MEGF11: variants seen among roughly 807,000 people sequenced by gnomAD.
MEGF11 encodes multiple EGF like domains 11, also known as multiple epidermal growth factor-like domains protein 11.
MEGF11 carries 126 observed loss-of-function variants against 146.6 expected under a neutral mutation model. That is an observed-to-expected ratio of 0.86 (90% CI 0.74 to 1.00). The LOEUF is 1.00. Ranked by LOEUF, MEGF11 falls within the 50% of genes least tolerant of loss-of-function variation. MEGF11 has a pLI of 0.00. For missense variants in MEGF11, 1,509 were observed against 1,521.2 expected, an observed-to-expected ratio of 0.99 and a Z score of 0.13; for synonymous variants, 532 against 583.4, an observed-to-expected ratio of 0.91 and a Z score of 1.27.
rs531059546 is a variant in MEGF11, at chr15:66,210,699, G to A, written c.-9+42906C>T. ...ACTTTCAAGATCATCTGGGGAAACCGAGGCCCAGGAAGAGGGGCTACCCTC... is the reference window on the plus strand; with the variant it reads ...ACTTTCAAGATCATCTGGGGAAACCAAGGCCCAGGAAGAGGGGCTACCCTC... On this transcript the variant is annotated intron_variant, in intron 1 of 25. Coordinates refer to ENST00000395614, the MANE Select transcript of MEGF11 (RefSeq NM_001385028.1). Among the ~76,000 whole-genome samples, 10 of 152,318 alleles carry A rather than the reference G, an allele frequency of 6.6e-5. 2 individuals are homozygous for A. Among genetic ancestry groups the A allele is most frequent in the Admixed American group, 6.5e-5 (1 of 15,300 alleles).
intron 7 of MEGF11, among the ~76,000 whole-genome samples, chr15:65,979,830 C>G (rs1037290469): frequency 3.9e-5 from 6 of 152,170 alleles, no homozygotes; most frequent in Non-Finnish European, 8.8e-5. Flanking sequence ...GTTGTTATAT[C>G]AGTTTTGTAC....
chr15:66,042,406 G>A (rs538432173), intron 5 of MEGF11, among the ~76,000 whole-genome samples: 10 of 152,158 alleles, frequency 6.6e-5, no homozygotes, highest in Non-Finnish European at 1.0e-4. Flanking sequence ...CACCACACCC[G>A]GCCAAGAATG....
intron 5 of MEGF11, among the ~76,000 whole-genome samples, chr15:66,034,439 A>G (rs1341459189): frequency 1.3e-5 from 2 of 148,632 alleles, no homozygotes; most frequent in Non-Finnish European, 3.0e-5. Flanking sequence ...TTTCTTTTTG[A>G]GACAGGATCT....
chr15:66,133,782 TA>T (rs769724585), intron 1 of MEGF11, among the ~76,000 whole-genome samples: 1 of 150,976 alleles, frequency 6.6e-6, no homozygotes, highest in African/African-American at 2.4e-5. Context: ...TTCCTGTACT[TA>T]AAAAAAAAGA....
At chr15:66,188,076 G>A (rs568865060) in intron 1 of MEGF11, among the ~76,000 whole-genome samples, 2 of 152,172 alleles carry the variant, frequency 1.3e-5, no homozygotes, top group Non-Finnish European at 1.5e-5. Context: ...TGCACTGTAG[G>A]ACATCGAGCA....
chr15:65,916,079 G>A (rs1596832119), intron 18 of MEGF11, 69 bp downstream of exon 18: 1 of 1,482,820 alleles, frequency 6.7e-7, no homozygotes, highest in African/African-American at 1.4e-5. Context: ...ACCTTGAAGT[G>A]GGAGCCATCC....
At chr15:66,086,261 C>T (rs1466645500) in intron 5 of MEGF11, among the ~76,000 whole-genome samples, 1 of 152,180 alleles carries the variant, frequency 6.6e-6, no homozygotes, top group African/African-American at 2.4e-5. Flanking sequence ...ACAAAAACTT[C>T]CCTGGCCTTG....
chr15:65,969,574 T>A (rs2081233475), intron 8 of MEGF11, among the ~76,000 whole-genome samples: 1 of 152,170 alleles, frequency 6.6e-6, no homozygotes, highest in Non-Finnish European at 1.5e-5. Context: ...TTTCTGGACA[T>A]CACTAAGGAT....
chr15:66,205,233 G>A (rs2091269355), intron 1 of MEGF11, among the ~76,000 whole-genome samples: 1 of 152,058 alleles, frequency 6.6e-6, no homozygotes, highest in Admixed American at 6.5e-5. Flanking sequence ...TTGAGGCTAG[G>A]AGTTTGCGAT....
chr15:66,043,877 C>T (rs423665), intron 5 of MEGF11, among the ~76,000 whole-genome samples: 148,977 of 152,288 alleles, frequency 0.98, 72,954 homozygotes, highest in Middle Eastern at 1. Context: ...ACAGATCAAC[C>T]AGCACGATGC....
intron 5 of MEGF11, among the ~76,000 whole-genome samples, chr15:66,054,328 A>T (rs2084590111): frequency 6.6e-6 from 1 of 152,174 alleles, no homozygotes; most frequent in Admixed American, 6.5e-5. Flanking sequence ...AGGCTCCTCC[A>T]TGAGGGCCTC....
chr15:65,955,959 A>T (rs971927926), intron 10 of MEGF11, among the ~76,000 whole-genome samples: 1 of 151,370 alleles, frequency 6.6e-6, no homozygotes, highest in African/African-American at 2.4e-5. Context: ...CAGTTTGAAC[A>T]ATGTTTTGTT....
At chr15:66,126,880 A>G (rs545060715) in intron 2 of MEGF11, among the ~76,000 whole-genome samples, 2 of 152,358 alleles carry the variant, frequency 1.3e-5, no homozygotes, top group South Asian at 4.1e-4. Context: ...AAGCTTATGA[A>G]AAATGCAATA....
intron 5 of MEGF11, among the ~76,000 whole-genome samples, chr15:66,030,985 C>T (rs1233355315): frequency 6.6e-6 from 1 of 152,162 alleles, no homozygotes; most frequent in Non-Finnish European, 1.5e-5. Flanking sequence ...TTAGGTCCTG[C>T]CTGCACTTGC....
chr15:65,909,836 A>G (rs771003377), intron 21 of MEGF11, 30 bp from the exon 22 acceptor site: 1 of 1,538,838 alleles, frequency 6.5e-7, no homozygotes, highest in African/African-American at 1.4e-5. Flanking sequence ...GCCAGTTAAT[A>G]TCTAGTGCCC....
intron 1 of MEGF11, among the ~76,000 whole-genome samples, chr15:66,243,250 G>T (rs192941412): frequency 8.7e-4 from 133 of 152,298 alleles, no homozygotes; most frequent in Middle Eastern, 3.4e-3. Flanking sequence ...GACAGTACAA[G>T]GGTCCCAGGT....
intron 5 of MEGF11, among the ~76,000 whole-genome samples, chr15:65,985,169 G>A (rs2081810076): frequency 6.6e-6 from 1 of 152,182 alleles, no homozygotes; most frequent in Non-Finnish European, 1.5e-5. Flanking sequence ...TGTAAGTTAG[G>A]TTTTCTTATT....
At chr15:65,942,472 GAGTT>G (rs1341997724) in intron 10 of MEGF11, among the ~76,000 whole-genome samples, 1 of 152,164 alleles carries the variant, frequency 6.6e-6, no homozygotes, top group Non-Finnish European at 1.5e-5. Flanking sequence ...CAGTGGGAGT[GAGTT>G]AGTATTTAAT....
chr15:66,114,670 G>T (rs903840046), intron 4 of MEGF11, among the ~76,000 whole-genome samples: 2 of 152,030 alleles, frequency 1.3e-5, no homozygotes, highest in Non-Finnish European at 2.9e-5. Flanking sequence ...AGGCAGGCAG[G>T]CACTTCTGCC....
Sources: allele counts gnomAD v4.1 joint callset (sites outside exome capture counted in the v4.1 genomes callset), GRCh38; gene constraint gnomAD v4.1.1; transcripts MANE v1.5; gene names NCBI Gene and HGNC (gene_info 2026-07-23, HGNC 2026-07-21).